Variants in UBR1 observed in about 807,000 individuals in gnomAD.
UBR1 encodes the protein ubiquitin protein ligase E3 component n-recognin 1.
Under a neutral mutation model 242.1 loss-of-function variants are expected in UBR1, and 102 were observed. That is an observed-to-expected ratio of 0.42 (90% CI 0.36 to 0.50). UBR1 has a LOEUF of 0.50. Ranked by LOEUF, UBR1 falls within the 20% of genes least tolerant of loss-of-function variation. UBR1 has a pLI of 0.01. For missense variants in UBR1, 1,772 were observed against 2,101.8 expected, an observed-to-expected ratio of 0.84 and a Z score of 3.07; for synonymous variants, 675 against 684.8, an observed-to-expected ratio of 0.99 and a Z score of 0.22.
At chr15:43,054,672 C>T (rs1596121578) in intron 12 of UBR1, 70 bp downstream of exon 12, 2 of 1,549,584 alleles carry the variant, frequency 1.3e-6, no homozygotes, top group East Asian at 2.3e-5. Context: ...CACAGGATTA[C>T]TTATAAGACA....
chr15:43,088,529 CTT>C (rs2034065944), intron 1 of UBR1, among the ~76,000 whole-genome samples: 2 of 151,224 alleles, frequency 1.3e-5, no homozygotes, highest in Non-Finnish European at 2.9e-5. Context: ...AAATTTCGCT[CTT>C]GTCATCCAGG....
chr15:43,005,171 C>A (rs76420076), intron 30 of UBR1, among the ~76,000 whole-genome samples: 1 of 150,836 alleles, frequency 6.6e-6, no homozygotes, highest in African/African-American at 2.4e-5. Flanking sequence ...GTGAAGAGCC[C>A]CTCCGCCCAG....
At chr15:42,976,917 TA>T (rs1405391979) in intron 38 of UBR1, 50 bp from the exon 39 acceptor site, 3 of 1,585,020 alleles carry the variant, frequency 1.9e-6, no homozygotes, top group Non-Finnish European at 2.6e-6. Flanking sequence ...AAGACTAACA[TA>T]AATTAATGTC....
chr15:43,095,140 T>G (rs1199128938), intron 1 of UBR1, among the ~76,000 whole-genome samples: 1 of 152,212 alleles, frequency 6.6e-6, no homozygotes, highest in Admixed American at 6.5e-5. Context: ...AAATCCTCTC[T>G]TAAATTACAA....
At chr15:42,981,257 C>G (rs1192928046) in intron 37 of UBR1, among the ~76,000 whole-genome samples, 1 of 152,154 alleles carries the variant, frequency 6.6e-6, no homozygotes, top group Non-Finnish European at 1.5e-5. Flanking sequence ...AAAAAACCTT[C>G]ATGCTTTTCT....
chr15:43,046,079 G>A (rs545689584), intron 14 of UBR1, among the ~76,000 whole-genome samples: 2 of 152,166 alleles, frequency 1.3e-5, no homozygotes, highest in African/African-American at 4.8e-5. Flanking sequence ...GAAGTGTTAG[G>A]AGCTATAAGT....
intron 1 of UBR1, among the ~76,000 whole-genome samples, chr15:43,094,226 T>C (rs1365160699): frequency 6.6e-6 from 1 of 152,090 alleles, no homozygotes; most frequent in Non-Finnish European, 1.5e-5. Flanking sequence ...GGTCAGGAGT[T>C]TGAGACCAGC....
intron 33 of UBR1, 82 bp downstream of exon 33, chr15:42,998,086 A>G: frequency 1.6e-6 from 2 of 1,259,648 alleles, no homozygotes; most frequent in South Asian, 2.7e-5. Flanking sequence ...TGCAAACCAT[A>G]TTTTAGCCCA....
At chr15:43,004,570 G>A (rs894772517) in intron 30 of UBR1, among the ~76,000 whole-genome samples, 11 of 152,344 alleles carry the variant, frequency 7.2e-5, no homozygotes, top group Non-Finnish European at 1.0e-4. Context: ...TGGTGGAGAC[G>A]GGGTTTCGCC....
intron 32 of UBR1, among the ~76,000 whole-genome samples, chr15:43,000,194 G>A (rs1428163177): frequency 6.6e-6 from 1 of 151,998 alleles, no homozygotes; most frequent in Non-Finnish European, 1.5e-5. Context: ...CAACTATATG[G>A]GTAAGTCGAA....
chr15:43,105,763 G>A (rs1026604370), intron 1 of UBR1, among the ~76,000 whole-genome samples, 179 bp downstream of exon 1: 3 of 152,168 alleles, frequency 2.0e-5, no homozygotes, highest in African/African-American at 7.2e-5. Context: ...ATATTCCGTA[G>A]ACTTGGCTGG....
At chr15:43,103,920 TAAAAGAGA>T (rs891782069) in intron 1 of UBR1, among the ~76,000 whole-genome samples, 36 of 151,766 alleles carry the variant, frequency 2.4e-4, no homozygotes, top group Admixed American at 2.0e-3. Context: ...TAATAGCTTT[TAAAAGAGA>T]AAAAGAGAAA....
intron 26 of UBR1, 113 bp from the exon 27 acceptor site, chr15:43,021,488 C>T: frequency 1.1e-6 from 1 of 890,812 alleles, no homozygotes; most frequent in Non-Finnish European, 1.9e-6. Flanking sequence ...ATGCTCAATT[C>T]CCTTATGTAA....
At chr15:43,067,084 G>A (rs1262323064) in intron 6 of UBR1, among the ~76,000 whole-genome samples, 2 of 152,184 alleles carry the variant, frequency 1.3e-5, no homozygotes, top group Admixed American at 6.5e-5. Flanking sequence ...ATGAAATAGA[G>A]ATAATAATAT....
chr15:42,985,797 T>C (rs201540453), intron 35 of UBR1, among the ~76,000 whole-genome samples: 2 of 151,872 alleles, frequency 1.3e-5, no homozygotes, highest in East Asian at 3.9e-4. Context: ...AAGACCAGCC[T>C]GGACAACATG....
chr15:43,073,150 CAAAAAAACA>C (rs1330634182), intron 4 of UBR1, among the ~76,000 whole-genome samples: 1 of 150,788 alleles, frequency 6.6e-6, no homozygotes, highest in African/African-American at 2.4e-5. Context: ...GACTCTGTCT[CAAAAAAACA>C]AAAAAAACAA....
chr15:43,003,779 T>C lies in UBR1; in HGVS notation c.3509+58A>G, dbSNP rs953966597. The C allele has an allele frequency of 3.3e-6, 5 of 1,532,458 alleles. No homozygotes were observed. In the African/African-American group the frequency reaches 6.8e-5, roughly 21 times the overall value. 94.9% of individuals were successfully genotyped at this position (1,532,458 alleles called of 1,614,324 possible). A position where few individuals can be genotyped will look rare whatever the true frequency, so the allele number is the denominator to read the frequency against. ...TGAGAAAACATGCCTTTTTGTGGCC[T>C]TGAGTGAACTTCAATGTTCCTAGTC... On this transcript the variant is annotated intron_variant, in intron 31 of 46. Coordinates refer to ENST00000290650, the MANE Select transcript of UBR1 (RefSeq NM_174916.3).
chr15:43,036,345 G>T, intron 18 of UBR1, 66 bp from the exon 19 acceptor site: 2 of 1,463,696 alleles, frequency 1.4e-6, no homozygotes, highest in Non-Finnish European at 9.6e-7. Context: ...TCTCATGTAG[G>T]ACTGTCAAAA....
intron 1 of UBR1, among the ~76,000 whole-genome samples, chr15:43,097,498 A>G (rs1279306403): frequency 6.6e-6 from 1 of 152,248 alleles, no homozygotes; most frequent in Non-Finnish European, 1.5e-5. Context: ...AAAGCTCTAG[A>G]TGGCATCTTC....
Sources: gnomAD v4.1 joint callset for allele counts (sites outside exome capture counted in the v4.1 genomes callset) on GRCh38, gnomAD v4.1.1 for gene constraint, MANE v1.5 for transcripts, NCBI Gene and HGNC (gene_info 2026-07-23, HGNC 2026-07-21) for gene names.